SLC43A2: variants seen among roughly 807,000 people sequenced by gnomAD.
The protein encoded by SLC43A2 is solute carrier family 43 member 2, also known as large neutral amino acids transporter small subunit 4.
In SLC43A2, 38 loss-of-function variants were observed where a neutral mutation model predicts 63.2. That is an observed-to-expected ratio of 0.60 (90% confidence interval 0.46 to 0.79). SLC43A2 has a LOEUF of 0.79. Ranked by LOEUF, SLC43A2 falls within the 30% of genes least tolerant of loss-of-function variation. The pLI, the probability that SLC43A2 is intolerant of heterozygous loss-of-function variation, is 0.00. For synonymous variants in SLC43A2, 322 were observed against 331.0 expected (o/e 0.97, Z 0.30); for missense variants, 644 against 756.2 (o/e 0.85, Z 1.74).
chr17:1,588,694 A>G (rs1904447494), intron 9 of SLC43A2, among the ~76,000 whole-genome samples: 1 of 38,814 alleles, frequency 2.6e-5, no homozygotes, highest in Non-Finnish European at 6.0e-5. Flanking sequence ...CAAGACCCCA[A>G]CTCAAAAAAA....
intron 5 of SLC43A2, among the ~76,000 whole-genome samples, chr17:1,611,443 T>A (rs924082659): frequency 2.6e-5 from 4 of 152,020 alleles, no homozygotes; most frequent in Non-Finnish European, 4.4e-5. Flanking sequence ...GAGACCAGCC[T>A]GGCCAACATG....
chr17:1,602,908 G>A (rs1396761957), intron 5 of SLC43A2, among the ~76,000 whole-genome samples: 4 of 151,186 alleles, frequency 2.6e-5, no homozygotes, highest in Non-Finnish European at 4.4e-5. Flanking sequence ...ACAGGCACCC[G>A]CCACCACACC....
In SLC43A2 at chr17:1,577,368, C is replaced by A. The variant is rs1437724842; in HGVS notation, c.1425-648G>T. ...GCTGGGCTTGGCTCTGCAGTGCCCT[C>A]GTCCAGAGAAGCATTGAGTAATCGC... is the stretch of plus-strand genomic sequence containing the variant. On this transcript the variant is annotated intron_variant, in intron 12 of 13. Coordinates refer to ENST00000301335, the MANE Select transcript of SLC43A2 (RefSeq NM_152346.3). The surrounding 1 kb of genome is among the most constrained non-coding windows in gnomAD (Gnocchi z 4.9). Among the ~76,000 whole-genome samples, 1 of 152,174 alleles carries A rather than the reference C, an allele frequency of 6.6e-6. No homozygotes were observed. The highest frequency in any genetic ancestry group is 1.9e-4 in the East Asian group (1 of 5,188).
At chr17:1,576,861 C>CT in intron 12 of SLC43A2, 141 bp from the exon 13 acceptor site, 136 of 775,224 alleles carry the variant, frequency 1.8e-4, no homozygotes, top group Non-Finnish European at 2.2e-4. Flanking sequence ...CTGGGCAGTT[C>CT]TGTTTTTTTT....
intron 5 of SLC43A2, among the ~76,000 whole-genome samples, chr17:1,595,723 GCATCAGC>G (rs1905229832): frequency 6.6e-6 from 1 of 151,902 alleles, no homozygotes; most frequent in Non-Finnish European, 1.5e-5. Context: ...GGGATTACAG[GCATCAGC>G]CATCACGCCC....
chr17:1,627,928 C>G lies in SLC43A2; in HGVS notation c.-46-8G>C. 2 of 1,437,226 alleles carry G rather than the reference C, an allele frequency of 1.4e-6. No individual in the cohort carries two copies. Among genetic ancestry groups the G allele is most frequent in the Non-Finnish European group, 1.8e-6 (2 of 1,099,400 alleles). 89.0% of individuals were successfully genotyped at this position (1,437,226 alleles called of 1,614,324 possible). On this transcript the variant is annotated splice_region_variant and splice_polypyrimidine_tract_variant and intron_variant, in intron 1 of 13. Transcript: ENST00000301335. Reference sequence around the variant, plus strand: ...GCTCCGGCTCTGCACCACCTGCGCACAGAACTCGGCGTCAGCGGCCGGCCC... The same window carrying G: ...GCTCCGGCTCTGCACCACCTGCGCAGAGAACTCGGCGTCAGCGGCCGGCCC...
chr17:1,598,033 A>G (rs1905487871), intron 5 of SLC43A2, among the ~76,000 whole-genome samples: 1 of 152,196 alleles, frequency 6.6e-6, no homozygotes, highest in Admixed American at 6.5e-5. Context: ...CCGTGGCCAT[A>G]TCTACCCCAG....
At chr17:1,587,292 C>A (rs56315318) in intron 9 of SLC43A2, among the ~76,000 whole-genome samples, 26,043 of 152,158 alleles carry the variant, frequency 0.17, 2,542 homozygotes, top group Non-Finnish European at 0.22. Context: ...GGGGAAGTGG[C>A]GGGCATGCGG....
chr17:1,601,048 A>C (rs1383177611), intron 5 of SLC43A2, among the ~76,000 whole-genome samples: 2 of 140,020 alleles, frequency 1.4e-5, no homozygotes, highest in African/African-American at 5.4e-5. Flanking sequence ...CTGATTTTCC[A>C]CCCCTCCCAG....
chr17:1,591,369 G>T lies in SLC43A2; in HGVS notation c.831C>A (p.Ser277Arg), dbSNP rs1904762385. 6.2e-7 allele frequency: 1 copy of T among 1,611,940 alleles called. No individual in the cohort carries two copies. The highest frequency in any genetic ancestry group is 1.7e-5 in the Admixed American group (1 of 60,006). The change falls in exon 8 of 14, where the codon AGC becomes AGA. Residue 277 changes from serine (S) to arginine (R), a missense_variant. Physicochemically the swap from Ser to Arg is moderately radical, Grantham distance 110 (BLOSUM62 -1). Transcript: ENST00000301335. ...CCTGCTCCTTGGCACTCCTCATGGA[G>T]CTGCCCACACTCAGGCGCCGGCCCA... ...TTVGRRLSVG[S>R]SMRSAKEQVA... is the part of the protein sequence containing the mutation.
At chr17:1,579,255 G>GT (rs2075977919) in intron 11 of SLC43A2, among the ~76,000 whole-genome samples, 1 of 150,928 alleles carries the variant, frequency 6.6e-6, no homozygotes, top group South Asian at 2.1e-4. Flanking sequence ...GAGGTCAGGA[G>GT]TTTGAGATCA....
rs1034873770 is a variant in SLC43A2, at chr17:1,602,861, C to T, written c.502-9582G>A. On this transcript the variant is annotated intron_variant, in intron 5 of 13. Transcript: ENST00000301335. Reference sequence around the variant, plus strand: ...GCAACCTCCACCTCCCGGGTTCATGCGATTCTCCTGCCTCAGCCTCCCAAG... The same window carrying T: ...GCAACCTCCACCTCCCGGGTTCATGTGATTCTCCTGCCTCAGCCTCCCAAG... Among the ~76,000 whole-genome samples the T allele has an allele frequency of 5.5e-5, 8 of 144,772 alleles. No homozygotes were observed. In the East Asian group the frequency reaches 6.2e-4, roughly 11 times the overall value. The allele number at this position is 144,772 out of a possible 152,430, so 95.0% of individuals were successfully genotyped here.
chr17:1,587,118 G>C (rs934483488), intron 9 of SLC43A2, among the ~76,000 whole-genome samples: 4 of 152,280 alleles, frequency 2.6e-5, no homozygotes, highest in Non-Finnish European at 4.4e-5. Context: ...TTCCCACTAA[G>C]CGTGACTCGG....
chr17:1,627,658 C>A (rs1908782289), intron 2 of SLC43A2, 57 bp downstream of exon 2: 2 of 747,954 alleles, frequency 2.7e-6, no homozygotes, highest in African/African-American at 2.0e-5. Context: ...CCCCATCCCG[C>A]CCCCTCCCAA....
chr17:1,585,442 T>C (rs138742407), intron 10 of SLC43A2: 12,841 of 341,482 alleles, frequency 0.038, 299 homozygotes, highest in African/African-American at 0.051. Flanking sequence ...GACCGGGTTT[T>C]ACCACATTGG....
intron 5 of SLC43A2, among the ~76,000 whole-genome samples, chr17:1,603,524 C>A (rs1906278142): frequency 6.6e-6 from 1 of 152,070 alleles, no homozygotes; most frequent in South Asian, 2.1e-4. Context: ...GTGGCTCACA[C>A]CTGTAATCCC....
rs1907468238 is a variant in SLC43A2, at chr17:1,615,043, A to G, written c.369-9T>C. On this transcript the variant is annotated splice_polypyrimidine_tract_variant and intron_variant, in intron 3 of 13. Transcript: ENST00000301335. Reference sequence around the variant, plus strand: ...AAACCGCGAAGCAGGCGCTAAAACCAAGCAGAAACGCAATGTTATTTACCA... The same window carrying G: ...AAACCGCGAAGCAGGCGCTAAAACCGAGCAGAAACGCAATGTTATTTACCA... 1 of 1,613,888 alleles carries G rather than the reference A, an allele frequency of 6.2e-7. No individual in the cohort carries two copies. Among genetic ancestry groups the G allele is most frequent in the Non-Finnish European group, 8.5e-7 (1 of 1,179,896 alleles).
Position 1,590,838 on chromosome 17 carries a change from T to C in SLC43A2, c.1042A>G (p.Ile348Val). Reference sequence around the variant, plus strand: ...TCGCCGCTGACCAGGAACTTGAGGATGTTGTTCATAGCCCCCATGTAGAAG... The same window carrying C: ...TCGCCGCTGACCAGGAACTTGAGGACGTTGTTCATAGCCCCCATGTAGAAG... ...LIFYMGAMNN[I>V]LKFLVSGDQK... The change falls in exon 9 of 14, where the codon ATC becomes GTC. Residue 348 changes from isoleucine to valine, a missense_variant. Around this residue, in one of 3 missense-constraint regions of SLC43A2, gnomAD observed 528 missense variants for 623.6 expected, o/e 0.85. Transcript: ENST00000301335. 6.4e-7 allele frequency: 1 copy of C among 1,556,192 alleles called. No individual in the cohort carries two copies. Among genetic ancestry groups the C allele is most frequent in the Non-Finnish European group, 8.7e-7 (1 of 1,149,076 alleles).
At chr17:1,625,094 C>G (rs1255358310) in intron 2 of SLC43A2, among the ~76,000 whole-genome samples, 4 of 152,184 alleles carry the variant, frequency 2.6e-5, no homozygotes, top group African/African-American at 9.7e-5. Flanking sequence ...TGGTCTCCTG[C>G]CCTCACCAGG....
Sources: allele counts gnomAD v4.1 joint callset (sites outside exome capture counted in the v4.1 genomes callset), GRCh38; gene constraint gnomAD v4.1.1; regional missense constraint gnomAD v4.1.1; non-coding constraint Gnocchi (gnomAD v3.1); transcripts MANE v1.5; gene names NCBI Gene and HGNC (gene_info 2026-07-23, HGNC 2026-07-21).